PDE9A: variants seen among roughly 807,000 people sequenced by gnomAD.
PDE9A encodes the protein high affinity cGMP-specific 3',5'-cyclic phosphodiesterase 9A.
PDE9A carries 60 observed loss-of-function variants against 87.4 expected under a neutral mutation model. The ratio of observed to expected loss-of-function variants is 0.69; its 90% confidence interval spans 0.56 to 0.85. The LOEUF (loss-of-function observed/expected upper bound fraction) is 0.85. Among genes scored for constraint, PDE9A ranks in the 40% least tolerant of loss-of-function variants. The pLI is 0.00. For synonymous variants in PDE9A, 272 were observed against 279.4 expected (o/e 0.97, Z 0.27); for missense variants, 665 against 779.0 (o/e 0.85, Z 1.74).
intron 6 of PDE9A, among the ~76,000 whole-genome samples, chr21:42,732,856 G>A (rs540356922): frequency 9.5e-4 from 145 of 152,336 alleles, no homozygotes; most frequent in African/African-American, 3.2e-3. Flanking sequence ...GGAGGTTGCC[G>A]TGAGCCGAGA....
rs146434696 is a variant in PDE9A, at chr21:42,692,029, G to A, written c.218+4035G>A. Among the ~76,000 whole-genome samples the A allele has an allele frequency of 3.9e-5, 6 of 152,306 alleles. No individual in the cohort carries two copies. In the East Asian group the frequency reaches 7.7e-4, roughly 20 times the overall value. On this transcript the variant is annotated intron_variant, in intron 3 of 19. Coordinates refer to ENST00000291539, the MANE Select transcript of PDE9A (RefSeq NM_002606.3). This position sits in a 1 kb window ranked among gnomAD's most constrained non-coding sequence, Gnocchi z 4.3. ...CACTGGCTTCCTCCCCTCAGTGTGC[G>A]CCTCAGTCTGAAGTGATCTCACTTA...
intron 1 of PDE9A, among the ~76,000 whole-genome samples, chr21:42,670,354 A>G (rs2058415677): frequency 7.9e-6 from 1 of 127,314 alleles, no homozygotes; most frequent in Non-Finnish European, 1.6e-5. Flanking sequence ...ATTTACACAC[A>G]CATCCACACA....
chr21:42,663,221 A>T (rs960166363), intron 1 of PDE9A, among the ~76,000 whole-genome samples: 2 of 145,802 alleles, frequency 1.4e-5, no homozygotes, highest in Non-Finnish European at 3.0e-5. Context: ...GCACGCACCT[A>T]CCACACATGC....
chr21:42,654,145 G>A (rs2056866638), intron 1 of PDE9A, among the ~76,000 whole-genome samples: 2 of 152,178 alleles, frequency 1.3e-5, no homozygotes, highest in African/African-American at 4.8e-5. Context: ...AATCTGATTA[G>A]GCTGAGTTTT....
chr21:42,667,343 C>T (rs574517140), intron 1 of PDE9A, among the ~76,000 whole-genome samples: 1 of 152,302 alleles, frequency 6.6e-6, no homozygotes, highest in East Asian at 1.9e-4. Context: ...GACCAGGGAA[C>T]AGGGTGCTGA....
intron 4 of PDE9A, among the ~76,000 whole-genome samples, chr21:42,701,467 T>C (rs7283961): frequency 0.04 from 6,013 of 152,042 alleles, 395 homozygotes; most frequent in African/African-American, 0.14. Flanking sequence ...GATAAAGTCT[T>C]TGTCTGTTGC....
intron 9 of PDE9A, among the ~76,000 whole-genome samples, chr21:42,752,085 C>T (rs934985872): frequency 6.6e-6 from 1 of 152,072 alleles, no homozygotes; most frequent in Non-Finnish European, 1.5e-5. Context: ...TCAGGGGGCA[C>T]AGCTTCCAGA....
intron 4 of PDE9A, among the ~76,000 whole-genome samples, chr21:42,716,607 T>C (rs2049937693): frequency 6.6e-6 from 1 of 151,640 alleles, no homozygotes; most frequent in African/African-American, 2.4e-5. Context: ...GAATTAATAC[T>C]GTACCGCCTC....
At position 42,698,930 on chromosome 21, in the gene PDE9A, T is replaced by C. The variant is rs772357093; in HGVS notation, c.219-38T>C. 4 of 1,544,900 alleles carry C rather than the reference T, an allele frequency of 2.6e-6. No homozygotes were observed. The African/African-American group carries it at 5.4e-5, about 21-fold the overall frequency. ...CCTGCCAGGCATACAGCGAGCGCCT[T>C]GCAGAGTCTCACAGCGGCACTGTCT... On this transcript the variant is annotated intron_variant, in intron 3 of 19. Coordinates refer to ENST00000291539, the MANE Select transcript of PDE9A (RefSeq NM_002606.3).
chr21:42,660,357 G>A lies in PDE9A; in HGVS notation c.69+6474G>A, dbSNP rs2057390966. ...CCAGGAGCAGGTGCGGGGCCTGCAG[G>A]GACGGCTCGCAGAGAAGGCAGTTTG... is the stretch of plus-strand genomic sequence containing the variant. On this transcript the variant is annotated intron_variant, in intron 1 of 19. Transcript: ENST00000291539. This position sits in a 1 kb window ranked among gnomAD's most constrained non-coding sequence, Gnocchi z 4.7. Among the ~76,000 whole-genome samples the A allele has an allele frequency of 6.6e-6, 1 of 152,206 alleles. No individual in the cohort carries two copies. The highest frequency in any genetic ancestry group is 2.4e-5 in the African/African-American group (1 of 41,454).
rs554273603 is a variant in PDE9A at position 42,765,807 on chromosome 21, T to G, written c.1356+313T>G. 2.6e-5 allele frequency among the ~76,000 whole-genome samples: 4 copies of G among 152,288 alleles called. No individual in the cohort carries two copies. In the South Asian group the frequency reaches 8.3e-4, roughly 32 times the overall value. ...CCAGAGAATAAAACCAGCTCTCCCA[T>G]GAAGGCACAGCCCCAGCATGGCACT... On this transcript the variant is annotated intron_variant, in intron 15 of 19. Coordinates refer to ENST00000291539, the MANE Select transcript of PDE9A (RefSeq NM_002606.3).
rs755435213 is a variant in PDE9A, at chr21:42,770,688, G to A, written c.1591-15G>A. On this transcript the variant is annotated splice_polypyrimidine_tract_variant and intron_variant, in intron 17 of 19. Transcript: ENST00000291539. ...AGAACGAGGGACTCTGAATAAATCC[G>A]TGTGTCTCTCCCAGCTCTTCCCCAT... is the stretch of plus-strand genomic sequence containing the variant. 135 of 1,598,018 alleles carry A rather than the reference G, an allele frequency of 8.4e-5. No individual in the cohort carries two copies. The highest frequency in any genetic ancestry group is 9.9e-5 in the Non-Finnish European group (115 of 1,165,352).
At chr21:42,751,468 T>C (rs2054417481) in intron 9 of PDE9A, among the ~76,000 whole-genome samples, 1 of 147,488 alleles carries the variant, frequency 6.8e-6, no homozygotes, top group Admixed American at 6.6e-5. Flanking sequence ...CTGACCTGGG[T>C]AGACAGTTTT....
chr21:42,683,403 T>G (rs2059274443), intron 1 of PDE9A, among the ~76,000 whole-genome samples: 2 of 152,368 alleles, frequency 1.3e-5, no homozygotes, highest in Admixed American at 1.3e-4. Flanking sequence ...TCCAGCCTGG[T>G]GCAGAACCTT....
intron 1 of PDE9A, among the ~76,000 whole-genome samples, chr21:42,684,926 C>A (rs1372650890): frequency 6.9e-6 from 1 of 145,938 alleles, no homozygotes; most frequent in East Asian, 2.0e-4. Flanking sequence ...AAAAAAAAAT[C>A]TGTTTTCTAT....
rs909216006 is a variant in PDE9A at position 42,760,528 on chromosome 21, C to T, written c.1002+96C>T. 1.9e-5 allele frequency: 15 copies of T among 777,114 alleles called. No individual in the cohort carries two copies. Among genetic ancestry groups the T allele is most frequent in the South Asian group, 1.8e-4 (12 of 65,730 alleles). The allele number at this position is 777,114 out of a possible 1,614,324, so 48.1% of individuals were successfully genotyped here. ...GGCAGCCCCATCCCACCAAGAGAGC[C>T]ACAGGCGTGGGGTCCCCAGCCGCTC... On this transcript the variant is annotated intron_variant, in intron 12 of 19. Transcript: ENST00000291539. This position sits in a 1 kb window ranked among gnomAD's most constrained non-coding sequence, Gnocchi z 5.2.
At chr21:42,662,087 T>TA (rs1228350543) in intron 1 of PDE9A, among the ~76,000 whole-genome samples, 1 of 152,202 alleles carries the variant, frequency 6.6e-6, no homozygotes, top group Non-Finnish European at 1.5e-5. Context: ...AGTGGGCTAA[T>TA]ACGCGTCAAA....
chr21:42,703,385 G>A (rs536210519), intron 4 of PDE9A, among the ~76,000 whole-genome samples: 194 of 152,354 alleles, frequency 1.3e-3, no homozygotes, highest in African/African-American at 4.5e-3. Flanking sequence ...GAACCCATCC[G>A]TGGGAGAAGG....
At chr21:42,656,612 A>G (rs1601844656) in intron 1 of PDE9A, among the ~76,000 whole-genome samples, 1 of 152,160 alleles carries the variant, frequency 6.6e-6, no homozygotes, top group Admixed American at 6.5e-5. Flanking sequence ...CTTTATTTAT[A>G]TGAAGAAAAC....
Sources: gnomAD v4.1 joint callset for allele counts (sites outside exome capture counted in the v4.1 genomes callset) on GRCh38, gnomAD v4.1.1 for gene constraint, Gnocchi (gnomAD v3.1) non-coding constraint, MANE v1.5 for transcripts, NCBI Gene and HGNC (gene_info 2026-07-23, HGNC 2026-07-21) for gene names.